Variants in RYR1 observed in about 807,000 individuals in gnomAD.
RYR1 encodes central core disease of muscle.
RYR1 carries 342 observed loss-of-function variants against 583.5 expected under a neutral mutation model. The ratio of observed to expected loss-of-function variants is 0.59; its 90% CI spans 0.54 to 0.64. The LOEUF is 0.64. RYR1 is among the 30% of genes least tolerant of loss of function. The probability of loss-of-function intolerance (pLI) is 0.00; values close to 1 mark genes in which losing one functional copy is unlikely to be tolerated. For missense variants in RYR1, 6,032 were observed against 6,917.2 expected (o/e 0.87, Z 4.54); for synonymous variants, 2,791 against 2,822.5 (o/e 0.99, Z 0.35).
At position 38,543,363 on chromosome 19, in the gene RYR1, A is replaced by G. The variant is rs776123178; in HGVS notation, c.11706A>G (p.Leu3902=). ...EGHNNDFQNY[L]RTQTGNTTTI... is the part of the protein sequence containing the mutation. ...TCTCCCCAGATTTCCAGAACTACCT[A>G]CGGACACAGACAGGGAACACGACCA... Residue 3902 remains leucine (L), a synonymous_variant, in exon 85 of 106, where the codon CTA becomes CTG. Transcript: ENST00000359596. This position sits in a 1 kb window ranked among gnomAD's most constrained non-coding sequence, Gnocchi z 4.4. The G allele has an allele frequency of 1.9e-5, 30 of 1,614,074 alleles. No individual in the cohort carries two copies. The highest frequency in any genetic ancestry group is 2.5e-5 in the Non-Finnish European group (30 of 1,180,038).
intron 48 of RYR1, 73 bp downstream of exon 48, chr19:38,502,800 G>GCA (rs1970232571): frequency 4.4e-5 from 47 of 1,075,322 alleles, no homozygotes; most frequent in Non-Finnish European, 4.7e-5. Flanking sequence ...GGCAGGGGCA[G>GCA]GGGCAGGGGG....
chr19:38,554,706 T>TA (rs1972808601), intron 89 of RYR1, among the ~76,000 whole-genome samples: 2 of 151,910 alleles, frequency 1.3e-5, no homozygotes, highest in Non-Finnish European at 2.9e-5. Context: ...CTCCTGGGTT[T>TA]AAGGGATCCT....
In RYR1 at chr19:38,579,608, AAGAC is replaced by A. The variant is rs1170495824; in HGVS notation, c.14365-370_14365-367del. Among the ~76,000 whole-genome samples the A allele has an allele frequency of 7.9e-5, 12 of 151,268 alleles. No individual in the cohort carries two copies. The East Asian group carries it at 2.1e-3, about 27-fold the overall frequency. On this transcript the variant is annotated intron_variant, in intron 99 of 105. Transcript: ENST00000359596. ...TCCATCTCAAAAAAAAAAAAAAAAA[AAGAC>A]AGAGGAAGAGATGATGGAGTCTCGC... is the stretch of plus-strand genomic sequence containing the variant.
At chr19:38,493,520 T>TA (rs975970501) in intron 38 of RYR1, among the ~76,000 whole-genome samples, 7 of 149,904 alleles carry the variant, frequency 4.7e-5, no homozygotes, top group African/African-American at 1.7e-4. Flanking sequence ...TTTTTCGTTT[T>TA]TTTTTTTTTT....
intron 93 of RYR1, among the ~76,000 whole-genome samples, chr19:38,568,502 G>A (rs1453935001): frequency 2.6e-5 from 4 of 150,976 alleles, no homozygotes; most frequent in South Asian, 4.2e-4. Context: ...TTGGGAGGCC[G>A]AGGCAGGCGG....
At chr19:38,478,675 T>G (rs1968867778) in intron 31 of RYR1, 75 bp downstream of exon 31, 7 of 1,534,746 alleles carry the variant, frequency 4.6e-6, no homozygotes, top group Non-Finnish European at 6.2e-6. Context: ...AGATGTCCCC[T>G]GAGGCCAGAC....
chr19:38,460,542 G>A lies in RYR1; in HGVS notation c.2528G>A (p.Arg843His), dbSNP rs144911352. Residue 843 changes from arginine (R) to histidine (H), a missense_variant, in exon 20 of 106, where the codon CGC becomes CAC. Physicochemically the swap from Arg to His is conservative, Grantham distance 29. This residue lies in a region of RYR1 where 2,627 missense variants were observed against 2,961.3 expected (regional missense o/e 0.89). Coordinates refer to ENST00000359596, the MANE Select transcript of RYR1 (RefSeq NM_000540.3). ...GGGCCTCACCTGGTGGGCCCCAGTCGCTGCCTCTCACACACCGACTTCGTG... is the reference window on the plus strand; with the variant it reads ...GGGCCTCACCTGGTGGGCCCCAGTCACTGCCTCTCACACACCGACTTCGTG... ...PRGPHLVGPSRCLSHTDFVPC... is the reference protein window; with the variant it reads ...PRGPHLVGPSHCLSHTDFVPC... 1.3e-5 allele frequency: 21 copies of A among 1,613,746 alleles called. No individual in the cohort carries two copies. Among genetic ancestry groups the A allele is most frequent in the Admixed American group, 1.7e-5 (1 of 60,012 alleles).
chr19:38,555,885 A>G (rs1972857279), intron 89 of RYR1, among the ~76,000 whole-genome samples: 1 of 151,960 alleles, frequency 6.6e-6, no homozygotes, highest in Non-Finnish European at 1.5e-5. Flanking sequence ...TTTTTTTGAG[A>G]CAGGGTCTCA....
chr19:38,458,240 G>T lies in RYR1; in HGVS notation c.2115G>T (p.Gly705=). ...PGAGEGWGGN[G]VGDDLYSYGF... The stretch of plus-strand genomic sequence containing the variant: ...CCGGCGAGGGCTGGGGCGGCAACGG[G>T]GTCGGCGATGACCTCTATTCCTACG... Residue 705 remains glycine (G), a synonymous_variant, in exon 18 of 106, where the codon GGG becomes GGT. Coordinates refer to ENST00000359596, the MANE Select transcript of RYR1 (RefSeq NM_000540.3). 6.2e-7 allele frequency: 1 copy of T among 1,614,030 alleles called. No individual in the cohort carries two copies. The highest frequency in any genetic ancestry group is 8.5e-7 in the Non-Finnish European group (1 of 1,180,016).
At position 38,468,689 on chromosome 19, in the gene RYR1, A is replaced by G. The variant is rs148637972; in HGVS notation, c.3382-277A>G. 7.6e-3 allele frequency among the ~76,000 whole-genome samples: 1,150 copies of G among 152,054 alleles called. 15 individuals carry two copies. Among genetic ancestry groups the G allele is most frequent in the African/African-American group, 0.026 (1,098 of 41,446 alleles). ...CTGCTGCTTCCAGCCCCCCACTACC[A>G]CTTTGGTGGTCTGCATAATGCTAGC... On this transcript the variant is annotated intron_variant, in intron 25 of 105. Transcript: ENST00000359596.
rs372713950 is a variant in RYR1 at position 38,463,406 on chromosome 19, C to T, written c.2578-17C>T. The stretch of plus-strand genomic sequence containing the variant: ...TAGAGGGACCTTGGGGTCTCAAGAA[C>T]GTCCCTCTGCCTCTAGATTGTCCTG... On this transcript the variant is annotated splice_polypyrimidine_tract_variant and intron_variant, in intron 20 of 105. Coordinates refer to ENST00000359596, the MANE Select transcript of RYR1 (RefSeq NM_000540.3). 5.3e-5 allele frequency: 85 copies of T among 1,608,900 alleles called. No homozygotes were observed. Among genetic ancestry groups the T allele is most frequent in the African/African-American group, 3.9e-4 (29 of 74,936 alleles).
At chr19:38,562,491 C>G (rs1454064892) in intron 90 of RYR1, among the ~76,000 whole-genome samples, 1 of 152,092 alleles carries the variant, frequency 6.6e-6, no homozygotes, top group Non-Finnish European at 1.5e-5. Flanking sequence ...CCCTTCTTGT[C>G]TCACACACAT....
chr19:38,538,530 A>C (rs1972072816), intron 84 of RYR1: 2 of 155,078 alleles, frequency 1.3e-5, no homozygotes, highest in Non-Finnish European at 2.9e-5. Flanking sequence ...GCCCAAATGG[A>C]CAATTTGTCA....
At position 38,490,662 on chromosome 19, in the gene RYR1, A is replaced by C. The variant is rs1053361437; in HGVS notation, c.6057A>C (p.Glu2019Asp). 3 of 1,613,750 alleles carry C rather than the reference A, an allele frequency of 1.9e-6. No homozygotes were observed. Among genetic ancestry groups the C allele is most frequent in the Admixed American group, 3.3e-5 (2 of 60,028 alleles). The change falls in exon 37 of 106, where the codon GAA (glutamate) becomes GAC (aspartate). Residue 2019 changes from glutamate (E) to aspartate (D), a missense_variant. By Grantham distance (45) the Glu-to-Asp change is conservative. Transcript: ENST00000359596. ...LLQFKDGTDEEDCPLPEEIRQ... is the reference protein window; with the variant it reads ...LLQFKDGTDEDDCPLPEEIRQ... ...AATTCAAAGATGGTACAGATGAGGA[A>C]GACTGTCCTCTCCCTGAAGAGATTC...
chr19:38,567,568 C>T (rs1449705545), intron 92 of RYR1, among the ~76,000 whole-genome samples: 1 of 152,182 alleles, frequency 6.6e-6, no homozygotes, highest in Non-Finnish European at 1.5e-5. Context: ...GCTGTCACTG[C>T]CTGGTGTCAC....
intron 33 of RYR1, among the ~76,000 whole-genome samples, chr19:38,484,610 A>C (rs1380095676): frequency 6.6e-6 from 1 of 152,158 alleles, no homozygotes; most frequent in Non-Finnish European, 1.5e-5. Flanking sequence ...ATGCTCGGAC[A>C]TGCCCAAAGG....
chr19:38,527,196 G>A (rs990423191), intron 72 of RYR1, 144 bp downstream of exon 72: 11 of 883,402 alleles, frequency 1.2e-5, no homozygotes, highest in Admixed American at 2.0e-5. Flanking sequence ...CCAATGTGGC[G>A]AAACCATGTT....
intron 1 of RYR1, among the ~76,000 whole-genome samples, chr19:38,439,223 C>T (rs557317997): frequency 6.6e-6 from 1 of 151,276 alleles, no homozygotes; most frequent in Non-Finnish European, 1.5e-5. Context: ...TGGAGTTTTC[C>T]CCAGGCTGGA....
intron 11 of RYR1, among the ~76,000 whole-genome samples, chr19:38,449,885 TTTTG>T (rs959685860): frequency 5.0e-4 from 76 of 152,096 alleles, no homozygotes; most frequent in African/African-American, 1.7e-3. Flanking sequence ...AGAGGTCTAG[TTTTG>T]TTTGTTTGTT....
Sources: gnomAD v4.1 joint callset for allele counts (sites outside exome capture counted in the v4.1 genomes callset) on GRCh38, gnomAD v4.1.1 for gene constraint, gnomAD v4.1.1 regional missense constraint, Gnocchi (gnomAD v3.1) non-coding constraint, MANE v1.5 for transcripts, NCBI Gene and HGNC (gene_info 2026-07-23, HGNC 2026-07-21) for gene names.